Variants in PPP3CC observed in about 807,000 individuals in gnomAD.
PPP3CC encodes the protein serine/threonine-protein phosphatase 2B catalytic subunit gamma isoform.
Under a neutral mutation model 60.3 loss-of-function variants are expected in PPP3CC, and 35 were observed. The ratio of observed to expected loss-of-function variants is 0.58; its 90% CI spans 0.44 to 0.77. The LOEUF is 0.77. Among genes scored for constraint, PPP3CC ranks in the 30% least tolerant of loss-of-function variants. The pLI is 0.00. For synonymous variants in PPP3CC, 206 were observed against 224.3 expected (o/e 0.92, Z 0.73); for missense variants, 570 against 628.9 (o/e 0.91, Z 1.00).
At chr8:22,532,663 A>G (rs1488200396) in intron 11 of PPP3CC, among the ~76,000 whole-genome samples, 2 of 152,188 alleles carry the variant, frequency 1.3e-5, no homozygotes, top group African/African-American at 4.8e-5. Context: ...TGTTAGGTGT[A>G]TTAAATGGGA....
chr8:22,539,594 C>T, intron 13 of PPP3CC, 96 bp downstream of exon 13: 1 of 1,279,826 alleles, frequency 7.8e-7, no homozygotes, highest in East Asian at 2.4e-5. Flanking sequence ...TATTGCATCA[C>T]CAGAACTATA....
At position 22,441,167 on chromosome 8, in the gene PPP3CC, C is replaced by G. The variant is rs1400663721; in HGVS notation, c.-243C>G. 1 of 388,892 alleles carries G rather than the reference C, an allele frequency of 2.6e-6. No individual in the cohort carries two copies. The highest frequency in any genetic ancestry group is 4.6e-6 in the Non-Finnish European group (1 of 218,894). 24.1% of individuals were successfully genotyped at this position (388,892 alleles called of 1,614,324 possible). A position where few individuals can be genotyped will look rare whatever the true frequency, so the allele number is the denominator to read the frequency against. On this transcript the variant is annotated 5_prime_UTR_variant, in exon 1 of 14. Transcript: ENST00000240139. ...CGCGGTCGGTGCCGAAGCGGTGTTCCCCGCCTTAGCCGCTGGCGCCTCCCA... is the reference window on the plus strand; with the variant it reads ...CGCGGTCGGTGCCGAAGCGGTGTTCGCCGCCTTAGCCGCTGGCGCCTCCCA...
intron 5 of PPP3CC, among the ~76,000 whole-genome samples, chr8:22,512,068 A>G (rs1226383891): frequency 6.6e-6 from 1 of 152,138 alleles, no homozygotes; most frequent in Non-Finnish European, 1.5e-5. Context: ...ACCAATTTTT[A>G]TTGTACATGG....
At chr8:22,461,497 A>G (rs1227123490) in intron 1 of PPP3CC, among the ~76,000 whole-genome samples, 1 of 152,162 alleles carries the variant, frequency 6.6e-6, no homozygotes, top group African/African-American at 2.4e-5. Flanking sequence ...GTATTTTTTA[A>G]GTAAATAGTA....
At chr8:22,495,465 G>A (rs1486968950) in intron 3 of PPP3CC, among the ~76,000 whole-genome samples, 1 of 151,904 alleles carries the variant, frequency 6.6e-6, no homozygotes, top group African/African-American at 2.4e-5. Flanking sequence ...GTATCTTCAG[G>A]GTAGATTCCT....
rs917627210 is a variant in PPP3CC, at chr8:22,533,818, C to T, written c.1321+800C>T. On this transcript the variant is annotated intron_variant, in intron 12 of 13. Transcript: ENST00000240139. ...CCAGCCTGGGCGACAGAGTGAGACT[C>T]CATCTCAAAAAAAACCAAAGTGACC... Among the ~76,000 whole-genome samples, 5 of 150,172 alleles carry T rather than the reference C, an allele frequency of 3.3e-5. No individual in the cohort carries two copies. In the South Asian group the frequency reaches 1.1e-3, roughly 32 times the overall value.
chr8:22,530,603 C>T (rs1420697850), intron 10 of PPP3CC, among the ~76,000 whole-genome samples: 1 of 151,402 alleles, frequency 6.6e-6, no homozygotes, highest in Admixed American at 6.6e-5. Context: ...GAGGCTGAGG[C>T]AGGTGGATCA....
Position 22,540,241 on chromosome 8 carries a change from A to G in PPP3CC, c.1352-374A>G, listed in dbSNP as rs893002696. On this transcript the variant is annotated intron_variant, in intron 13 of 13. Transcript: ENST00000240139. ...AACTACCCTGGGTTTAACTTGTTCA[A>G]TTATTCTAGTGTTGCCTTTGTTCTA... Among the ~76,000 whole-genome samples the G allele has an allele frequency of 2.6e-5, 4 of 152,252 alleles. No individual in the cohort carries two copies. The South Asian group carries it at 6.2e-4, about 24-fold the overall frequency.
At position 22,494,922 on chromosome 8, in the gene PPP3CC, A is replaced by G. The variant is rs968060715; in HGVS notation, c.373-3079A>G. On this transcript the variant is annotated intron_variant, in intron 3 of 13. Coordinates refer to ENST00000240139, the MANE Select transcript of PPP3CC (RefSeq NM_005605.5). ...TCTTCTTTATTATATAGAGGGTGGC[A>G]TACTACAGCTACTCTTGTACTTTTT... is the stretch of plus-strand genomic sequence containing the variant. Among the ~76,000 whole-genome samples the G allele has an allele frequency of 3.3e-5, 5 of 152,160 alleles. No individual in the cohort carries two copies. In the South Asian group the frequency reaches 1.0e-3, roughly 32 times the overall value.
chr8:22,508,620 C>A lies in PPP3CC; in HGVS notation c.485-2466C>A, dbSNP rs970305982. Among the ~76,000 whole-genome samples, 5 of 152,116 alleles carry A rather than the reference C, an allele frequency of 3.3e-5. No homozygotes were observed. The South Asian group carries it at 1.0e-3, about 32-fold the overall frequency. On this transcript the variant is annotated intron_variant, in intron 4 of 13. Coordinates refer to ENST00000240139, the MANE Select transcript of PPP3CC (RefSeq NM_005605.5). ...TTGAGTCATTCTTGGGATTGAAAGG[C>A]ATTTATCAATGTAAGATGTTATGGA...
chr8:22,448,383 T>TG (rs1317586496), intron 1 of PPP3CC, among the ~76,000 whole-genome samples: 1 of 148,376 alleles, frequency 6.7e-6, no homozygotes, highest in African/African-American at 2.5e-5. Flanking sequence ...TTTTTTTTGT[T>TG]TTTTTTTTTT....
chr8:22,502,439 C>T (rs1563749436), intron 4 of PPP3CC, among the ~76,000 whole-genome samples: 1 of 152,168 alleles, frequency 6.6e-6, no homozygotes, highest in African/African-American at 2.4e-5. Flanking sequence ...TAATCCTACA[C>T]TTTGGGAGGC....
chr8:22,462,546 AG>A (rs770830981), intron 1 of PPP3CC, among the ~76,000 whole-genome samples: 34 of 150,878 alleles, frequency 2.3e-4, no homozygotes, highest in Non-Finnish European at 4.0e-4. Context: ...TACAGGCACC[AG>A]GCCATTTTGT....
intron 3 of PPP3CC, among the ~76,000 whole-genome samples, chr8:22,476,202 G>T (rs114482481): frequency 0.019 from 2,843 of 152,340 alleles, 57 homozygotes; most frequent in East Asian, 0.083. Context: ...AAGCTTTAAT[G>T]TGTAAAAGAT....
chr8:22,513,519 C>A (rs1839153507), intron 6 of PPP3CC, 87 bp downstream of exon 6: 1 of 1,412,428 alleles, frequency 7.1e-7, no homozygotes. Flanking sequence ...TATTTCAAAT[C>A]TATGTAGTAT....
chr8:22,531,160 T>C, intron 10 of PPP3CC: 3 of 749,918 alleles, frequency 4.0e-6, no homozygotes. Flanking sequence ...GGATATCTCT[T>C]ATGAGCTGGT....
chr8:22,462,976 A>G (rs1191811384), intron 1 of PPP3CC, among the ~76,000 whole-genome samples: 1 of 152,224 alleles, frequency 6.6e-6, no homozygotes, highest in African/African-American at 2.4e-5. Flanking sequence ...TCCTTTGGGC[A>G]ACCAAATATA....
chr8:22,528,592 C>T lies in PPP3CC; in HGVS notation c.1141+15C>T. 6.7e-7 allele frequency: 1 copy of T among 1,498,374 alleles called. No homozygotes were observed. Among genetic ancestry groups the T allele is most frequent in the Non-Finnish European group, 9.0e-7 (1 of 1,112,384 alleles). The allele number at this position is 1,498,374 out of a possible 1,614,324, so 92.8% of individuals were successfully genotyped here. On this transcript the variant is annotated intron_variant, in intron 10 of 13. Coordinates refer to ENST00000240139, the MANE Select transcript of PPP3CC (RefSeq NM_005605.5). ...TGAAGCAGAAGGTAAACTTTTCCTC[C>T]TTTGAACTAAAACTAGAAAGAGGTT...
Position 22,522,714 on chromosome 8 carries a change from C to T in PPP3CC, c.908C>T (p.Ser303Phe), listed in dbSNP as rs1290521748. Reference protein sequence around the residue: ...TGFPSLITIFSAPNYLDVYNN... With the variant: ...TGFPSLITIFFAPNYLDVYNN... ...TTTCCATCACTTATTACAATTTTCT[C>T]TGCCCCCAATTACCTAGATGTCTAT... Residue 303 changes from serine (S) to phenylalanine (F), a missense_variant, in exon 8 of 14, where the codon TCT (serine) becomes TTT (phenylalanine). Ser to Phe is a radical substitution (Grantham distance 155). Coordinates refer to ENST00000240139, the MANE Select transcript of PPP3CC (RefSeq NM_005605.5). 6.2e-7 allele frequency: 1 copy of T among 1,603,104 alleles called. No individual in the cohort carries two copies. The highest frequency in any genetic ancestry group is 2.2e-5 in the East Asian group (1 of 44,794).
Sources: gnomAD v4.1 joint callset for allele counts (sites outside exome capture counted in the v4.1 genomes callset) on GRCh38, gnomAD v4.1.1 for gene constraint, MANE v1.5 for transcripts, NCBI Gene and HGNC (gene_info 2026-07-23, HGNC 2026-07-21) for gene names.